The following STXBP2 variants were observed in gnomAD, a reference collection of about 807,000 sequenced individuals.
STXBP2 encodes syntaxin binding protein 2.
A neutral mutation model predicts 72.2 loss-of-function variants in STXBP2; 47 were observed. The observed-to-expected ratio is 0.65, with a 90% CI of 0.51 to 0.83. STXBP2 has a LOEUF of 0.83. Ranked by LOEUF, STXBP2 falls within the 40% of genes least tolerant of loss-of-function variation. The pLI is 0.00. For synonymous variants in STXBP2, 367 were observed against 338.7 expected, an observed-to-expected ratio of 1.08 and a Z score of -0.92; for missense variants, 702 against 807.6, an observed-to-expected ratio of 0.87 and a Z score of 1.58.
At position 7,641,856 on chromosome 19, in the gene STXBP2, G is replaced by A. The variant is rs1389522101; in HGVS notation, c.578+3G>A. On this transcript the variant is annotated splice_donor_region_variant and intron_variant, in intron 7 of 18. Coordinates refer to ENST00000221283, the MANE Select transcript of STXBP2 (RefSeq NM_006949.4). ...TACCCGGCCATCCGCTACCGCAAGT[G>A]GGGACCCCACCCAGCCCCACCCCGA... is the stretch of plus-strand genomic sequence containing the variant. 1 of 1,556,234 alleles carries A rather than the reference G, an allele frequency of 6.4e-7. No homozygotes were observed. Among genetic ancestry groups the A allele is most frequent in the Non-Finnish European group, 8.7e-7 (1 of 1,150,822 alleles).
chr19:7,640,423 C>T (rs747948546), intron 4 of STXBP2: 103 of 577,798 alleles, frequency 1.8e-4, no homozygotes, highest in East Asian at 9.2e-4. Flanking sequence ...TATGTGTGCG[C>T]GCGCATCTGT....
upstream of STXBP2, chr19:7,633,066 C>T: frequency 7.4e-7 from 1 of 1,350,076 alleles, no homozygotes; most frequent in South Asian, 1.5e-5. Flanking sequence ...TCACGTGGTA[C>T]CGCTTCAAGG....
At position 7,647,493 on chromosome 19, in the gene STXBP2, A is replaced by G; in HGVS notation, c.1678A>G (p.Lys560Glu). The G allele has an allele frequency of 6.2e-7, 1 of 1,603,014 alleles. No homozygotes were observed. Among genetic ancestry groups the G allele is most frequent in the Non-Finnish European group, 8.5e-7 (1 of 1,174,462 alleles). The change falls in exon 18 of 19, where the codon AAG becomes GAG. Residue 560 changes from lysine to glutamate, a missense_variant. Transcript: ENST00000221283. ...CGAGGTGACCAGGGCCACCGAGGGC[A>G]AGTGGGAGGTGCTCATTGGTAAGTC... ...AYEVTRATEG[K>E]WEVLIGSSHI...
Position 7,647,456 on chromosome 19 carries a change from G to A in STXBP2, c.1641G>A (p.Met547Ile). The A allele has an allele frequency of 6.2e-7, 1 of 1,612,888 alleles. No individual in the cohort carries two copies. The highest frequency in any genetic ancestry group is 8.5e-7 in the Non-Finnish European group (1 of 1,179,616). The change falls in exon 18 of 19, where the codon ATG becomes ATA. Residue 547 changes from methionine to isoleucine, a missense_variant. Coordinates refer to ENST00000221283, the MANE Select transcript of STXBP2 (RefSeq NM_006949.4). ...YVMGGVAMSE[M>I]RAAYEVTRAT... ...TGGGCGGTGTGGCCATGTCAGAGATGAGGGCCGCCTACGAGGTGACCAGGG... is the reference window on the plus strand; with the variant it reads ...TGGGCGGTGTGGCCATGTCAGAGATAAGGGCCGCCTACGAGGTGACCAGGG...
At chr19:7,646,063 G>A (rs781113244) in intron 15 of STXBP2, 186 bp from the exon 16 acceptor site, 14 of 604,832 alleles carry the variant, frequency 2.3e-5, no homozygotes, top group African/African-American at 7.6e-5. Flanking sequence ...TTCTCTCTCC[G>A]TCTCTCTCTG....
intron 3 of STXBP2, 94 bp from the exon 4 acceptor site, chr19:7,639,634 CCCT>C: frequency 8.8e-7 from 1 of 1,134,232 alleles, no homozygotes; most frequent in Non-Finnish European, 1.3e-6. Context: ...AAGCATCCAC[CCCT>C]CCTCCCCAAG....
In STXBP2 at chr19:7,642,542, T is replaced by A. The variant is rs540373986; in HGVS notation, c.902+6T>A. The A allele has an allele frequency of 3.7e-6, 6 of 1,613,308 alleles. No individual in the cohort carries two copies. In the South Asian group the frequency reaches 6.6e-5, roughly 18 times the overall value. Reference sequence around the variant, plus strand: ...CATATCGCAGATGTGTCCAAGTGCGTGCACACGGGGACCGGATCCCCCCCC... The same window carrying A: ...CATATCGCAGATGTGTCCAAGTGCGAGCACACGGGGACCGGATCCCCCCCC... On this transcript the variant is annotated splice_donor_region_variant and intron_variant, in intron 10 of 18. Transcript: ENST00000221283. This position sits in a 1 kb window ranked among gnomAD's most constrained non-coding sequence, Gnocchi z 6.0.
Position 7,647,225 on chromosome 19 carries a change from G to A in STXBP2, c.1516G>A (p.Ala506Thr), listed in dbSNP as rs866864592. 6 of 1,611,422 alleles carry A rather than the reference G, an allele frequency of 3.7e-6. No individual in the cohort carries two copies. Among genetic ancestry groups the A allele is most frequent in the Non-Finnish European group, 5.1e-6 (6 of 1,179,662 alleles). The change falls in exon 17 of 19, where the codon GCC becomes ACC. Residue 506 changes from alanine to threonine, a missense_variant. Transcript: ENST00000221283. ...CTTCGTATCCGACCCCGCCCCCACG[G>A]CCAGCTCCCAGGCCGCTGTCAGGTG... ...WPFVSDPAPT[A>T]SSQAAVSARF... is the part of the protein sequence containing the mutation.
chr19:7,634,136 A>G (rs1407586354), upstream of STXBP2, among the ~76,000 whole-genome samples: 1 of 152,152 alleles, frequency 6.6e-6, no homozygotes, highest in Non-Finnish European at 1.5e-5. Context: ...AGGTTGAGCT[A>G]TCTCCTCTCC....
chr19:7,644,907 C>G (rs1012497159), intron 14 of STXBP2, 155 bp downstream of exon 14: 1 of 1,477,818 alleles, frequency 6.8e-7, no homozygotes, highest in Non-Finnish European at 9.0e-7. Context: ...GAACCCTCCT[C>G]CATTGGCTTG....
chr19:7,643,143 AC>A (rs2146220933), intron 12 of STXBP2, 21 bp from the exon 13 acceptor site: 2 of 1,612,486 alleles, frequency 1.2e-6, no homozygotes, highest in East Asian at 2.2e-5. Context: ...TTATCCCCCA[AC>A]CCCCACCCTG....
chr19:7,642,219 G>A lies in STXBP2; in HGVS notation c.680G>A (p.Arg227His), dbSNP rs200855062. ...CCACCCCAGGGCCCAGAGAAAACCC[G>A]CTCCCAGCTGCTGATAATGGACCGG... ...PSLGEGPEKT[R>H]SQLLIMDRAA... Residue 227 changes from arginine to histidine, a missense_variant, in exon 9 of 19, where the codon CGC (arginine) becomes CAC (histidine). By Grantham distance (29) the Arg-to-His change is conservative (BLOSUM62 0). Transcript: ENST00000221283. The surrounding 1 kb of genome is among the most constrained non-coding windows in gnomAD (Gnocchi z 6.0). 9.3e-6 allele frequency: 15 copies of A among 1,614,090 alleles called. No homozygotes were observed. The highest frequency in any genetic ancestry group is 5.0e-5 in the Admixed American group (3 of 60,024).
At chr19:7,639,648 C>A in intron 3 of STXBP2, 83 bp from the exon 4 acceptor site, 1 of 1,339,504 alleles carries the variant, frequency 7.5e-7, no homozygotes, top group East Asian at 2.4e-5. Flanking sequence ...CCTCCCCAAG[C>A]CTCCAACCCC....
At chr19:7,632,082 A>G, upstream of STXBP2, 1 of 552,690 alleles carries the variant, frequency 1.8e-6, no homozygotes, top group Non-Finnish European at 3.2e-6. This position sits in a 1 kb window ranked among gnomAD's most constrained non-coding sequence, Gnocchi z 5.2. Flanking sequence ...CCTATGTGTG[A>G]GCTTACGTGA....
chr19:7,643,977 G>GTGGA (rs1568469239), intron 13 of STXBP2, among the ~76,000 whole-genome samples: 2 of 76,712 alleles, frequency 2.6e-5, no homozygotes, highest in Non-Finnish European at 5.0e-5. Context: ...TGAGGCACGG[G>GTGGA]GCCTTGGAGA....
chr19:7,639,929 TATGTGTGTGC>T (rs11278818), intron 4 of STXBP2, 122 bp downstream of exon 4: 264,268 of 975,800 alleles, frequency 0.27, 43,006 homozygotes, highest in African/African-American at 0.28. Context: ...TGTCCATGTG[TATGTGTGTGC>T]ATGTGTGTGC....
Position 7,639,824 on chromosome 19 carries a change from G to A in STXBP2, c.246+17G>A, listed in dbSNP as rs761135377. On this transcript the variant is annotated intron_variant, in intron 4 of 18. Transcript: ENST00000221283. Reference sequence around the variant, plus strand: ...ACGGAGAAGGTGCCTACATGAGTGAGCGTGTGTGTATGCGCGTGCATGCGT... The same window carrying A: ...ACGGAGAAGGTGCCTACATGAGTGAACGTGTGTGTATGCGCGTGCATGCGT... 1.2e-6 allele frequency: 2 copies of A among 1,613,384 alleles called. No individual in the cohort carries two copies. Among genetic ancestry groups the A allele is most frequent in the Non-Finnish European group, 1.7e-6 (2 of 1,179,764 alleles).
At chr19:7,644,852 A>G in intron 14 of STXBP2, 100 bp downstream of exon 14, 1 of 1,577,320 alleles carries the variant, frequency 6.3e-7, no homozygotes, top group Non-Finnish European at 8.6e-7. Flanking sequence ...GGTCATTTGC[A>G]CTCACCGGGC....
In STXBP2 at chr19:7,645,281, T is replaced by A; in HGVS notation, c.1331T>A (p.Leu444Gln). 1.9e-6 allele frequency: 3 copies of A among 1,586,696 alleles called. No homozygotes were observed. The highest frequency in any genetic ancestry group is 2.6e-6 in the Non-Finnish European group (3 of 1,165,478). ...AGCCTCATCCGTAACCTGGAGCAGC[T>A]GGGAGGCACTGTCACCAACCCCGGG... is the stretch of plus-strand genomic sequence containing the variant. ...HSSLIRNLEQ[L>Q]GGTVTNPGGS... is the part of the protein sequence containing the mutation. Residue 444 changes from leucine (L) to glutamine (Q), a missense_variant, in exon 15 of 19, where the codon CTG (leucine) becomes CAG (glutamine). Leu to Gln is a moderately radical substitution (Grantham distance 113, BLOSUM62 -2). Transcript: ENST00000221283.
Sources: gnomAD v4.1 joint callset for allele counts (sites outside exome capture counted in the v4.1 genomes callset) on GRCh38, gnomAD v4.1.1 for gene constraint, Gnocchi (gnomAD v3.1) non-coding constraint, MANE v1.5 for transcripts, NCBI Gene and HGNC (gene_info 2026-07-23, HGNC 2026-07-21) for gene names.